Variants in CHID1 observed in about 807,000 individuals in gnomAD.
CHID1 encodes the protein chitinase domain containing 1.
A neutral mutation model predicts 55.4 loss-of-function variants in CHID1; 44 were observed. The observed-to-expected ratio is 0.79, with a 90% confidence interval of 0.62 to 1.02. The LOEUF is 1.02. Ranked by LOEUF, CHID1 falls within the 50% of genes least tolerant of loss-of-function variation. CHID1 has a pLI of 0.00. For missense variants in CHID1, 491 were observed against 515.3 expected (o/e 0.95, Z 0.46); for synonymous variants, 216 against 212.9 (o/e 1.01, Z -0.13).
chr11:870,133 G>A lies in CHID1; in HGVS notation c.1071C>T (p.Tyr357=). The change falls in exon 12 of 13, where the codon TAC becomes TAT. Residue 357 remains tyrosine (Y), a synonymous_variant. Transcript: ENST00000323578. The part of the protein sequence containing the change: ...KSRSGRHVVF[Y]PTLKSLQVRL... ...GCAGCACACGCACCTTCAGGGTTGG[G>A]TAGAAGACGACGTGCCTCCCACTGC... 2 of 1,613,074 alleles carry A rather than the reference G, an allele frequency of 1.2e-6. No individual in the cohort carries two copies. Among genetic ancestry groups the A allele is most frequent in the Non-Finnish European group, 1.7e-6 (2 of 1,179,976 alleles).
intron 1 of CHID1, among the ~76,000 whole-genome samples, chr11:905,128 C>T (rs1329499718): frequency 6.6e-6 from 1 of 152,234 alleles, no homozygotes; most frequent in Non-Finnish European, 1.5e-5. Flanking sequence ...AGAACCCTCC[C>T]CTCACAGCCC....
At chr11:890,861 G>T (rs779868218) in intron 8 of CHID1, among the ~76,000 whole-genome samples, 5 of 152,128 alleles carry the variant, frequency 3.3e-5, no homozygotes, top group Admixed American at 2.0e-4. Flanking sequence ...GCTGACGAAG[G>T]ACACGATAAA....
At chr11:881,288 A>T (rs77432952) in intron 10 of CHID1, among the ~76,000 whole-genome samples, 9 of 152,032 alleles carry the variant, frequency 5.9e-5, no homozygotes, top group Admixed American at 2.6e-4. Context: ...CATAAAAAAT[A>T]AAAAAAATTG....
At chr11:871,853 G>A (rs1240324915) in intron 10 of CHID1, among the ~76,000 whole-genome samples, 1 of 152,192 alleles carries the variant, frequency 6.6e-6, no homozygotes, top group East Asian at 1.9e-4. Context: ...TTCTGCTCCT[G>A]CCCAGGAGTA....
rs116719108 is a variant in CHID1, at chr11:892,465, C to T, written c.701+962G>A. Among the ~76,000 whole-genome samples the T allele has an allele frequency of 2.0e-3, 306 of 152,344 alleles. 1 individual carries two copies. Among genetic ancestry groups the T allele is most frequent in the African/African-American group, 7.1e-3 (296 of 41,578 alleles). ...GTGTGCAAGAAGCTCAGGCCATGCA[C>T]GAAGCAGCCCCCAGGGCTCAGCTCT... is the stretch of plus-strand genomic sequence containing the variant. On this transcript the variant is annotated intron_variant, in intron 8 of 12. Coordinates refer to ENST00000323578, the MANE Select transcript of CHID1 (RefSeq NM_023947.4).
intron 9 of CHID1, 72 bp downstream of exon 9, chr11:883,996 C>G (rs1850197570): frequency 8.4e-7 from 1 of 1,187,876 alleles, no homozygotes; most frequent in Non-Finnish European, 1.3e-6. Flanking sequence ...TGCCCAGGAG[C>G]CCCCCAGGTC....
At chr11:912,100 T>G (rs1852728749), upstream of CHID1, among the ~76,000 whole-genome samples, 1 of 152,148 alleles carries the variant, frequency 6.6e-6, no homozygotes, top group Non-Finnish European at 1.5e-5. Flanking sequence ...GGCGGGTAGA[T>G]CACTTGAGGT....
chr11:910,521 C>A (rs565056577), intron 1 of CHID1: 2 of 888,594 alleles, frequency 2.3e-6, no homozygotes, highest in Non-Finnish European at 2.9e-6. Flanking sequence ...CACGCGCCCC[C>A]GTCCACACTC....
rs570758164 is a variant in CHID1 at position 870,408 on chromosome 11, A to G, written c.1040+11T>C. 39 of 1,606,050 alleles carry G rather than the reference A, an allele frequency of 2.4e-5. No individual in the cohort carries two copies. In the South Asian group the frequency reaches 4.1e-4, roughly 17 times the overall value. The stretch of plus-strand genomic sequence containing the variant: ...AAGGCCAAGGTGGGCCACGCACTTC[A>G]AAACACTCACTTCTTGTACTCGAAG... On this transcript the variant is annotated intron_variant, in intron 11 of 12. Coordinates refer to ENST00000323578, the MANE Select transcript of CHID1 (RefSeq NM_023947.4).
intron 7 of CHID1, among the ~76,000 whole-genome samples, chr11:899,067 G>T (rs558980774): frequency 5.3e-5 from 8 of 152,250 alleles, no homozygotes; most frequent in Non-Finnish European, 1.2e-4. Context: ...TCCTCTGACC[G>T]CCCAAGGGAG....
upstream of CHID1, chr11:914,419 G>C: frequency 1.3e-6 from 1 of 799,784 alleles, no homozygotes; most frequent in Non-Finnish European, 1.8e-6. Context: ...GGGCATGGGG[G>C]GGACAGAGTA....
intron 11 of CHID1, 97 bp downstream of exon 11, chr11:870,322 C>T (rs1849082699): frequency 1.5e-6 from 2 of 1,344,660 alleles, no homozygotes; most frequent in East Asian, 2.5e-5. Context: ...GCTCGTGACC[C>T]TGAGACCCCC....
At chr11:903,974 C>T (rs1482159962) in intron 2 of CHID1, among the ~76,000 whole-genome samples, 1 of 152,086 alleles carries the variant, frequency 6.6e-6, no homozygotes, top group African/African-American at 2.4e-5. Flanking sequence ...CCACTGCCTG[C>T]CACCCCCCTG....
chr11:883,379 G>C, intron 9 of CHID1, 76 bp from the exon 10 acceptor site: 1 of 1,439,634 alleles, frequency 6.9e-7, no homozygotes, highest in Non-Finnish European at 9.5e-7. Flanking sequence ...GCCCTCCACT[G>C]AGGGGTGCAT....
At chr11:894,240 G>A (rs1049630658) in intron 7 of CHID1, among the ~76,000 whole-genome samples, 3 of 152,114 alleles carry the variant, frequency 2.0e-5, no homozygotes, top group African/African-American at 7.2e-5. Context: ...CACCTGCCTG[G>A]TGTAGCTCAG....
At chr11:873,966 C>T (rs1431754906) in intron 10 of CHID1, among the ~76,000 whole-genome samples, 7 of 151,116 alleles carry the variant, frequency 4.6e-5, no homozygotes, top group African/African-American at 1.7e-4. Flanking sequence ...GACAGAGGTT[C>T]GACGCGTTTC....
intron 10 of CHID1, 144 bp from the exon 11 acceptor site, chr11:870,643 TG>T: frequency 1.6e-6 from 1 of 631,164 alleles, no homozygotes. Context: ...CAACACCTGG[TG>T]GGGTGGCCAG....
chr11:884,583 C>A (rs890796606), intron 8 of CHID1, among the ~76,000 whole-genome samples: 1 of 152,180 alleles, frequency 6.6e-6, no homozygotes, highest in South Asian at 2.1e-4. Flanking sequence ...GCAAAGCCTC[C>A]CTGAAGGCAG....
chr11:896,146 C>G lies in CHID1; in HGVS notation c.609-2627G>C, dbSNP rs1284011770. On this transcript the variant is annotated intron_variant, in intron 7 of 12. Transcript: ENST00000323578. ...CCCCAGCCTCCACCCCAGACACGAG[C>G]CTGTCTCAGCACCCCCAGCCTCCAC... is the stretch of plus-strand genomic sequence containing the variant. Among the ~76,000 whole-genome samples the G allele has an allele frequency of 7.6e-3, 674 of 89,086 alleles. 2 individuals carry two copies. Among genetic ancestry groups the G allele is most frequent in the Middle Eastern group, 0.037 (4 of 108 alleles). 58.4% of individuals were successfully genotyped at this position (89,086 alleles called of 152,430 possible).
Sources: gnomAD v4.1 joint callset for allele counts (sites outside exome capture counted in the v4.1 genomes callset) on GRCh38, gnomAD v4.1.1 for gene constraint, MANE v1.5 for transcripts, NCBI Gene and HGNC (gene_info 2026-07-23, HGNC 2026-07-21) for gene names.